Variants in MARCHF2 observed in about 807,000 individuals in gnomAD.
MARCHF2 encodes the protein membrane associated ring-CH-type finger 2.
MARCHF2 carries 22 observed loss-of-function variants against 24.0 expected under a neutral mutation model. The ratio of observed to expected loss-of-function variants is 0.92; its 90% CI spans 0.66 to 1.31. MARCHF2 has a LOEUF of 1.31. Among genes scored for constraint, MARCHF2 ranks in the 50% most tolerant of loss-of-function variants. The pLI, the probability that MARCHF2 is intolerant of heterozygous loss-of-function variation, is 0.00. For synonymous variants in MARCHF2, 154 were observed against 153.0 expected (o/e 1.01, Z -0.05); for missense variants, 301 against 335.3 (o/e 0.90, Z 0.80).
chr19:8,417,832 G>A (rs1484309026), intron 1 of MARCHF2, among the ~76,000 whole-genome samples: 4 of 133,222 alleles, frequency 3.0e-5, no homozygotes, highest in African/African-American at 5.6e-5. Flanking sequence ...GTGCGATCTC[G>A]GCTCACTGCA....
intron 2 of MARCHF2, among the ~76,000 whole-genome samples, chr19:8,424,424 T>G (rs112894330): frequency 6.6e-6 from 1 of 152,002 alleles, no homozygotes; most frequent in Non-Finnish European, 1.5e-5. Flanking sequence ...TCCCAGCACT[T>G]TGGGAGGCCG....
chr19:8,417,694 T>C (rs772922064), intron 1 of MARCHF2, among the ~76,000 whole-genome samples: 20 of 138,612 alleles, frequency 1.4e-4, no homozygotes, highest in Non-Finnish European at 2.9e-4. Flanking sequence ...CGCCTCGGCC[T>C]CCCAAAGTGC....
At chr19:8,426,989 AC>A (rs759477570) in intron 3 of MARCHF2, among the ~76,000 whole-genome samples, 185 bp downstream of exon 3, 9 of 152,054 alleles carry the variant, frequency 5.9e-5, no homozygotes, top group Non-Finnish European at 1.2e-4. Flanking sequence ...GAGCTCCCAG[AC>A]CCATTAACCT....
At chr19:8,420,462 G>A (rs1214990635) in intron 1 of MARCHF2, among the ~76,000 whole-genome samples, 2 of 150,116 alleles carry the variant, frequency 1.3e-5, no homozygotes, top group African/African-American at 4.9e-5. Context: ...CTTGAACCCA[G>A]GAGGTGGAGG....
chr19:8,418,717 A>G (rs1967148075), intron 1 of MARCHF2: 1 of 151,942 alleles, frequency 6.6e-6, no homozygotes, highest in Non-Finnish European at 1.5e-5. Context: ...CTTCAGAGAG[A>G]TAGGGTCTCT....
At chr19:8,435,121 C>G (rs1599717596) in intron 4 of MARCHF2, among the ~76,000 whole-genome samples, 1 of 150,046 alleles carries the variant, frequency 6.7e-6, no homozygotes, top group Non-Finnish European at 1.5e-5. Flanking sequence ...CAGGTTCAAG[C>G]AATTATCCTG....
In MARCHF2 at chr19:8,419,822, A is replaced by T. The variant is rs1392488732; in HGVS notation, c.-52-1967A>T. ...AAGAGCAAGACTCCGTCTCAAAAAA[A>T]AAATAAATAAATAAATAAATAAAAA... is the stretch of plus-strand genomic sequence containing the variant. On this transcript the variant is annotated intron_variant, in intron 1 of 4. Transcript: ENST00000215555. 2.2e-3 allele frequency among the ~76,000 whole-genome samples: 303 copies of T among 139,056 alleles called. 3 individuals carry two copies. The highest frequency in any genetic ancestry group is 3.7e-3 in the Middle Eastern group (1 of 270). The allele number at this position is 139,056 out of a possible 152,430, so 91.2% of individuals were successfully genotyped here. A position where few individuals can be genotyped will look rare whatever the true frequency, so the allele number is the denominator to read the frequency against.
At position 8,430,041 on chromosome 19, in the gene MARCHF2, T is replaced by G. The variant is rs1476652308; in HGVS notation, c.373-617T>G. Among the ~76,000 whole-genome samples the G allele has an allele frequency of 6.6e-6, 1 of 151,926 alleles. No individual in the cohort carries two copies. The stretch of plus-strand genomic sequence containing the variant: ...AATGTGCCCAGCACCTGGCAGGGCC[T>G]GGCTCCTCATGGGCTCAATAAATGT... On this transcript the variant is annotated intron_variant, in intron 3 of 4. Transcript: ENST00000215555. The surrounding 1 kb of genome is among the most constrained non-coding windows in gnomAD (Gnocchi z 4.4).
rs943169993 is a variant in MARCHF2 at position 8,420,999 on chromosome 19, G to A, written c.-52-790G>A. 2.4e-4 allele frequency among the ~76,000 whole-genome samples: 36 copies of A among 151,790 alleles called. 1 individual carries two copies. The highest frequency in any genetic ancestry group is 8.2e-4 in the African/African-American group (34 of 41,304). On this transcript the variant is annotated intron_variant, in intron 1 of 4. Transcript: ENST00000215555. ...TTTTTTATAAAGATAGAGTCTTGATGTGTTGCCTAGGCTGGTCTCAAACTC... is the reference window on the plus strand; with the variant it reads ...TTTTTTATAAAGATAGAGTCTTGATATGTTGCCTAGGCTGGTCTCAAACTC...
chr19:8,432,332 G>C (rs1300015767), intron 4 of MARCHF2, among the ~76,000 whole-genome samples: 1 of 152,036 alleles, frequency 6.6e-6, no homozygotes, highest in Non-Finnish European at 1.5e-5. Context: ...TCAAGACCAG[G>C]ACGGGGCAAC....
intron 4 of MARCHF2, among the ~76,000 whole-genome samples, chr19:8,436,210 C>T (rs1224794705): frequency 6.6e-6 from 1 of 151,900 alleles, no homozygotes; most frequent in Non-Finnish European, 1.5e-5. Context: ...TCTTGGCTCA[C>T]TGCAACTTCC....
rs1047301387 is a variant in MARCHF2, at chr19:8,430,969, C to A, written c.582+102C>A. On this transcript the variant is annotated intron_variant, in intron 4 of 4. Transcript: ENST00000215555. The surrounding 1 kb of genome is among the most constrained non-coding windows in gnomAD (Gnocchi z 4.4). ...GCTTGTGGGGCACGGGGCTCCCTGG[C>A]TGCCTCTGTCTATGGCCGTGGGTGG... 1.0e-5 allele frequency: 12 copies of A among 1,204,964 alleles called. No individual in the cohort carries two copies. Among genetic ancestry groups the A allele is most frequent in the Non-Finnish European group, 1.4e-5 (12 of 867,826 alleles). The allele number at this position is 1,204,964 out of a possible 1,614,324, so 74.6% of individuals were successfully genotyped here.
chr19:8,435,762 A>G (rs1967699400), intron 4 of MARCHF2, among the ~76,000 whole-genome samples: 1 of 148,004 alleles, frequency 6.8e-6, no homozygotes, highest in African/African-American at 2.5e-5. Flanking sequence ...CTGGTCTTAA[A>G]CTCCTGGGCT....
At position 8,430,783 on chromosome 19, in the gene MARCHF2, C is replaced by T. The variant is rs138854695; in HGVS notation, c.498C>T (p.His166=). ...TGTGCCTGCGCGGGGCCCAGGACCACCTCCGGCTCCACAGCCAGCTGGAGG... is the reference window on the plus strand; with the variant it reads ...TGTGCCTGCGCGGGGCCCAGGACCATCTCCGGCTCCACAGCCAGCTGGAGG... ...GWLCLRGAQD[H]LRLHSQLEAV... The change falls in exon 4 of 5, where the codon CAC becomes CAT. Residue 166 remains histidine (H), a synonymous_variant. Coordinates refer to ENST00000215555, the MANE Select transcript of MARCHF2 (RefSeq NM_001005415.2). The surrounding 1 kb of genome is among the most constrained non-coding windows in gnomAD (Gnocchi z 4.4). 1.6e-5 allele frequency: 26 copies of T among 1,611,028 alleles called. No homozygotes were observed. The highest frequency in any genetic ancestry group is 5.0e-5 in the Admixed American group (3 of 59,994).
chr19:8,421,125 G>GTT (rs1244605480), intron 1 of MARCHF2, among the ~76,000 whole-genome samples: 4 of 141,142 alleles, frequency 2.8e-5, no homozygotes, highest in Admixed American at 7.1e-5. Context: ...TTTTTTTTGG[G>GTT]TTTTTTTTTT....
In MARCHF2 at chr19:8,438,503, C is replaced by T. The variant is rs752806973; in HGVS notation, c.698C>T (p.Ala233Val). The change falls in exon 5 of 5, where the codon GCA becomes GTA. Residue 233 changes from alanine to valine, a missense_variant. Coordinates refer to ENST00000215555, the MANE Select transcript of MARCHF2 (RefSeq NM_001005415.2). ...GAGGGCCCCCAGCATTCTCCACTGG[C>T]AGCTGGACTCCTGAAGAAGGTGGCA... is the stretch of plus-strand genomic sequence containing the variant. ...SPEGPQHSPL[A>V]AGLLKKVAEE... is the part of the protein sequence containing the mutation. The T allele has an allele frequency of 1.2e-6, 2 of 1,614,126 alleles. No homozygotes were observed. Among genetic ancestry groups the T allele is most frequent in the South Asian group, 1.1e-5 (1 of 91,082 alleles).
chr19:8,424,696 C>A (rs990147511), intron 2 of MARCHF2, among the ~76,000 whole-genome samples: 2 of 151,918 alleles, frequency 1.3e-5, no homozygotes, highest in Non-Finnish European at 2.9e-5. Flanking sequence ...CTACCTTTCC[C>A]TGTCTCTTGG....
chr19:8,435,469 C>T (rs897368996), intron 4 of MARCHF2, among the ~76,000 whole-genome samples: 6 of 152,084 alleles, frequency 3.9e-5, no homozygotes, highest in Non-Finnish European at 8.8e-5. Flanking sequence ...TTTACCCAAG[C>T]AGTGCATTTG....
intron 4 of MARCHF2, among the ~76,000 whole-genome samples, chr19:8,432,942 G>C (rs1165622785): frequency 6.6e-6 from 1 of 151,940 alleles, no homozygotes; most frequent in East Asian, 1.9e-4. Context: ...ATAGGGGCTG[G>C]GCATGGTGAC....
Sources: gnomAD v4.1 joint callset for allele counts (sites outside exome capture counted in the v4.1 genomes callset) on GRCh38, gnomAD v4.1.1 for gene constraint, Gnocchi (gnomAD v3.1) non-coding constraint, MANE v1.5 for transcripts, NCBI Gene and HGNC (gene_info 2026-07-23, HGNC 2026-07-21) for gene names.